Variants in SNX4 observed in about 807,000 individuals in gnomAD.
SNX4 encodes sorting nexin 4.
Under a neutral mutation model 70.8 loss-of-function variants are expected in SNX4, and 49 were observed. The ratio of observed to expected loss-of-function variants is 0.69; its 90% CI spans 0.55 to 0.88. The LOEUF (loss-of-function observed/expected upper bound fraction) is 0.88, where lower values mean the gene tolerates loss of function less well. Ranked by LOEUF, SNX4 falls within the 40% of genes least tolerant of loss-of-function variation. SNX4 has a pLI of 0.00. For synonymous variants in SNX4, 206 were observed against 183.8 expected (o/e 1.12, Z -0.98); for missense variants, 528 against 544.8 (o/e 0.97, Z 0.31).
chr3:125,471,388 C>T (rs1475407088), intron 8 of SNX4, among the ~76,000 whole-genome samples: 1 of 119,778 alleles, frequency 8.3e-6, no homozygotes, highest in Non-Finnish European at 1.7e-5. Context: ...CACCACTTAC[C>T]ATACATGTAA....
At chr3:125,491,883 T>C (rs12493746) in intron 5 of SNX4, among the ~76,000 whole-genome samples, 75,793 of 151,586 alleles carry the variant, frequency 0.5, 19,498 homozygotes, top group African/African-American at 0.63. Context: ...CTGAGGCGGG[T>C]GGATCACGAG....
chr3:125,510,380 G>A (rs1374185227), intron 1 of SNX4, among the ~76,000 whole-genome samples: 1 of 151,916 alleles, frequency 6.6e-6, no homozygotes, highest in African/African-American at 2.4e-5. Flanking sequence ...ACAGGCGCCC[G>A]CCACACGCCC....
At chr3:125,490,385 G>C (rs181585295) in intron 5 of SNX4, among the ~76,000 whole-genome samples, 304 of 151,628 alleles carry the variant, frequency 2.0e-3, no homozygotes, top group African/African-American at 7.0e-3. Flanking sequence ...AGCCAGGCGT[G>C]GTGGCGCGTG....
intron 13 of SNX4, among the ~76,000 whole-genome samples, chr3:125,450,974 C>T (rs1933556259): frequency 6.6e-6 from 1 of 152,110 alleles, no homozygotes; most frequent in African/African-American, 2.4e-5. Flanking sequence ...CTGGTTGTAA[C>T]ACCAGTAGAG....
At chr3:125,472,748 G>A (rs1044152417) in intron 8 of SNX4, among the ~76,000 whole-genome samples, 3 of 151,950 alleles carry the variant, frequency 2.0e-5, no homozygotes, top group African/African-American at 7.3e-5. Flanking sequence ...CACTGTTTGA[G>A]ACAGACTGCC....
chr3:125,454,025 T>C, intron 11 of SNX4, 70 bp from the exon 12 acceptor site: 2 of 1,309,180 alleles, frequency 1.5e-6, no homozygotes, highest in Non-Finnish European at 2.1e-6. Flanking sequence ...CAATGGAACA[T>C]TATTCAGCCT....
At chr3:125,493,970 G>A (rs1934723360) in intron 5 of SNX4, among the ~76,000 whole-genome samples, 1 of 151,540 alleles carries the variant, frequency 6.6e-6, no homozygotes, top group Non-Finnish European at 1.5e-5. Context: ...CCGGAAGGCG[G>A]AGCTTGTAGT....
chr3:125,517,497 G>A (rs1159648116), intron 1 of SNX4, among the ~76,000 whole-genome samples: 1 of 152,200 alleles, frequency 6.6e-6, no homozygotes, highest in Non-Finnish European at 1.5e-5. Flanking sequence ...AGTATGGAGA[G>A]AAGTGAAGGG....
rs1311745613 is a variant in SNX4 at position 125,480,236 on chromosome 3, G to A, written c.726+11C>T. 3.3e-6 allele frequency: 5 copies of A among 1,513,550 alleles called. No individual in the cohort carries two copies. In the African/African-American group the frequency reaches 4.2e-5, roughly 13 times the overall value. 93.8% of individuals were successfully genotyped at this position (1,513,550 alleles called of 1,614,324 possible). On this transcript the variant is annotated intron_variant, in intron 7 of 13. Transcript: ENST00000251775. The stretch of plus-strand genomic sequence containing the variant: ...TGCATGTGCATCAAAAAGCTTTTGG[G>A]GACCACTTACAGCTCTGACTCGAAG...
intron 6 of SNX4, among the ~76,000 whole-genome samples, chr3:125,485,232 C>G (rs1401760333): frequency 6.6e-6 from 1 of 152,044 alleles, no homozygotes; most frequent in East Asian, 1.9e-4. Context: ...GGTAACAGAG[C>G]AAGACTTTGT....
At chr3:125,511,064 A>G (rs1007481130) in intron 1 of SNX4, among the ~76,000 whole-genome samples, 1 of 152,150 alleles carries the variant, frequency 6.6e-6, no homozygotes, top group Admixed American at 6.6e-5. Context: ...GATTACAAGC[A>G]TGCATACCAC....
At chr3:125,507,191 GAAAAAAAAAAA>G (rs753584700) in intron 1 of SNX4, among the ~76,000 whole-genome samples, 1 of 90,822 alleles carries the variant, frequency 1.1e-5, no homozygotes, top group African/African-American at 4.1e-5. Context: ...CTGGGTGATA[GAAAAAAAAAAA>G]AAAAAAAAAG....
At chr3:125,518,039 T>C (rs148644968) in intron 1 of SNX4, among the ~76,000 whole-genome samples, 2 of 152,288 alleles carry the variant, frequency 1.3e-5, no homozygotes, top group East Asian at 3.9e-4. Context: ...CATGATAGCA[T>C]CCCTGGGTTT....
At chr3:125,459,685 C>T (rs549168616) in intron 10 of SNX4, among the ~76,000 whole-genome samples, 6 of 152,054 alleles carry the variant, frequency 3.9e-5, no homozygotes, top group Non-Finnish European at 7.4e-5. Context: ...GTGATCCATC[C>T]GCCTTGGGCT....
chr3:125,455,300 AATG>A (rs1201784558), intron 11 of SNX4, among the ~76,000 whole-genome samples: 1 of 152,234 alleles, frequency 6.6e-6, no homozygotes, highest in Admixed American at 6.5e-5. Context: ...ACTCTGTATG[AATG>A]ATATTTTAAA....
At chr3:125,493,954 G>A (rs1388747448) in intron 5 of SNX4, among the ~76,000 whole-genome samples, 2 of 151,312 alleles carry the variant, frequency 1.3e-5, no homozygotes, top group African/African-American at 2.4e-5. Flanking sequence ...GGAGAATGGC[G>A]TGAACCCGGA....
In SNX4 at chr3:125,461,002, G is replaced by C. The variant is rs138002468; in HGVS notation, c.855-142C>G. 1.1e-5 allele frequency: 4 copies of C among 360,874 alleles called. No individual in the cohort carries two copies. In the Admixed American group the frequency reaches 2.0e-4, roughly 18 times the overall value. 22.4% of individuals were successfully genotyped at this position (360,874 alleles called of 1,614,324 possible). ...GCACTTTGGGAGGCCAAGAAGGGCA[G>C]ATCACTTGAGGTCAGGAGTTCGAGA... On this transcript the variant is annotated intron_variant, in intron 9 of 13. Transcript: ENST00000251775.
chr3:125,508,492 G>A (rs929988496), intron 1 of SNX4, among the ~76,000 whole-genome samples: 9 of 151,818 alleles, frequency 5.9e-5, no homozygotes, highest in African/African-American at 9.7e-5. Context: ...GCGTGAACCC[G>A]GGAGGCGGAG....
In SNX4 at chr3:125,516,563, G is replaced by A. The variant is rs555116517; in HGVS notation, c.141+3469C>T. ...CTGCAGTCAAAAATAAGGCTGGGCCGGGCACAGCGGCTCACGCCTGTAATC... is the reference window on the plus strand; with the variant it reads ...CTGCAGTCAAAAATAAGGCTGGGCCAGGCACAGCGGCTCACGCCTGTAATC... On this transcript the variant is annotated intron_variant, in intron 1 of 13. Transcript: ENST00000251775. 3.9e-5 allele frequency among the ~76,000 whole-genome samples: 6 copies of A among 152,276 alleles called. No homozygotes were observed. The South Asian group carries it at 8.3e-4, about 21-fold the overall frequency.
Sources: allele counts gnomAD v4.1 joint callset (sites outside exome capture counted in the v4.1 genomes callset), GRCh38; gene constraint gnomAD v4.1.1; transcripts MANE v1.5; gene names NCBI Gene and HGNC (gene_info 2026-07-23, HGNC 2026-07-21).